The following ABLIM1 variants were observed in gnomAD, a reference collection of about 807,000 sequenced individuals.
ABLIM1 encodes actin binding LIM protein 1, also known as actin-binding LIM protein 1.
Under a neutral mutation model 107.0 loss-of-function variants are expected in ABLIM1, and 40 were observed. That is an observed-to-expected ratio of 0.37 (90% CI 0.29 to 0.49). The LOEUF is 0.49. Ranked by LOEUF, ABLIM1 falls within the 20% of genes least tolerant of loss-of-function variation. The pLI, the probability that ABLIM1 is intolerant of heterozygous loss-of-function variation, is 0.97. For missense variants in ABLIM1, 857 were observed against 1,008.5 expected (o/e 0.85, Z 2.04); for synonymous variants, 357 against 357.3 (o/e 1.00, Z 0.01).
At chr10:114,437,525 G>A (rs540583969) in intron 22 of ABLIM1, among the ~76,000 whole-genome samples, 60 of 151,000 alleles carry the variant, frequency 4.0e-4, no homozygotes, top group Admixed American at 1.4e-3. Context: ...CACCGTGTTG[G>A]CCAGGCTGGT....
intron 1 of ABLIM1, among the ~76,000 whole-genome samples, chr10:114,682,543 A>G (rs1487443348): frequency 6.6e-6 from 1 of 152,246 alleles, no homozygotes; most frequent in Non-Finnish European, 1.5e-5. Context: ...CATTTAAAAC[A>G]ATGCAGAGTA....
At chr10:114,470,008 GC>G (rs1306745650) in intron 10 of ABLIM1, among the ~76,000 whole-genome samples, 1 of 152,194 alleles carries the variant, frequency 6.6e-6, no homozygotes, top group African/African-American at 2.4e-5. Flanking sequence ...GGGGGTCTCA[GC>G]TGGGTGAAGG....
At chr10:114,438,003 C>G (rs1188947836) in intron 21 of ABLIM1, 79 bp from the exon 22 acceptor site, 4 of 1,338,382 alleles carry the variant, frequency 3.0e-6, no homozygotes, top group African/African-American at 1.4e-5. Flanking sequence ...AACGCTAGTA[C>G]TCCCAAGATA....
intron 6 of ABLIM1, among the ~76,000 whole-genome samples, chr10:114,521,358 G>C (rs1380913186): frequency 6.6e-6 from 1 of 152,268 alleles, no homozygotes; most frequent in African/African-American, 2.4e-5. Context: ...AAGCCATAGA[G>C]TTGATGAAAG....
At chr10:114,491,683 C>T (rs948831739) in intron 7 of ABLIM1, 108 bp downstream of exon 7, 5 of 1,065,548 alleles carry the variant, frequency 4.7e-6, no homozygotes, top group Non-Finnish European at 5.6e-6. Context: ...ATTTGGGTAG[C>T]CTCACAGCTA....
chr10:114,722,351 A>C (rs992468390), intron 1 of ABLIM1, among the ~76,000 whole-genome samples: 1 of 152,182 alleles, frequency 6.6e-6, no homozygotes, highest in South Asian at 2.1e-4. Flanking sequence ...AGATCTCGTG[A>C]GAACTCACTC....
chr10:114,454,529 C>T (rs1565316789), intron 12 of ABLIM1, among the ~76,000 whole-genome samples: 1 of 152,052 alleles, frequency 6.6e-6, no homozygotes, highest in Non-Finnish European at 1.5e-5. Context: ...GCCACCTTGT[C>T]TGGAAGGCAT....
intron 20 of ABLIM1, 63 bp from the exon 21 acceptor site, chr10:114,439,313 T>A (rs1379432378): frequency 6.5e-7 from 1 of 1,533,080 alleles, no homozygotes; most frequent in Non-Finnish European, 9.0e-7. Flanking sequence ...AAGGGAGTAC[T>A]CTTGGGCTCC....
the ABLIM1 span, among the ~76,000 whole-genome samples, chr10:114,775,436 G>A: frequency 1.3e-5 from 2 of 152,214 alleles, no homozygotes; most frequent in African/African-American, 4.8e-5. Flanking sequence ...TTATTCCTCT[G>A]TTGCTGGATG....
At chr10:114,765,227 AG>A (rs2082861914) in intron 1 of ABLIM1, among the ~76,000 whole-genome samples, 1 of 151,842 alleles carries the variant, frequency 6.6e-6, no homozygotes, top group Non-Finnish European at 1.5e-5. Flanking sequence ...TTGTATTTTT[AG>A]TAGAGATGGG....
At chr10:114,792,697 T>A in the ABLIM1 span, among the ~76,000 whole-genome samples, 3 of 152,212 alleles carry the variant, frequency 2.0e-5, no homozygotes, top group African/African-American at 7.2e-5. Context: ...TCCAATCCCA[T>A]GACTGTTAAT....
At chr10:114,626,719 C>T (rs534197057) in intron 1 of ABLIM1, among the ~76,000 whole-genome samples, 6 of 152,148 alleles carry the variant, frequency 3.9e-5, no homozygotes, top group Non-Finnish European at 5.9e-5. Context: ...TATTGAAGTC[C>T]GAACCCCCAG....
At chr10:114,494,937 C>T (rs1172006618) in intron 6 of ABLIM1, among the ~76,000 whole-genome samples, 1 of 152,140 alleles carries the variant, frequency 6.6e-6, no homozygotes, top group Non-Finnish European at 1.5e-5. Flanking sequence ...TGCCTGGCAC[C>T]ATGTTAAGTG....
At chr10:114,567,701 C>T (rs1475846490) in intron 4 of ABLIM1, among the ~76,000 whole-genome samples, 2 of 152,344 alleles carry the variant, frequency 1.3e-5, no homozygotes, top group East Asian at 1.9e-4. Flanking sequence ...TATTTCTCTA[C>T]CTATCTGCTG....
At chr10:114,469,101 C>T (rs1331880223) in intron 10 of ABLIM1, among the ~76,000 whole-genome samples, 1 of 145,654 alleles carries the variant, frequency 6.9e-6, no homozygotes, top group African/African-American at 2.5e-5. Context: ...GATTGTGATA[C>T]ATACTTAGGT....
At chr10:114,790,724 T>C in the ABLIM1 span, among the ~76,000 whole-genome samples, 1 of 152,340 alleles carries the variant, frequency 6.6e-6, no homozygotes, top group East Asian at 1.9e-4. Flanking sequence ...TTGTTTACAC[T>C]AGAAGCATGT....
intron 4 of ABLIM1, among the ~76,000 whole-genome samples, chr10:114,559,664 T>G (rs1474865631): frequency 6.6e-6 from 1 of 152,118 alleles, no homozygotes; most frequent in Non-Finnish European, 1.5e-5. Flanking sequence ...GCTTACAAAA[T>G]ATAATCCAGA....
intron 1 of ABLIM1, among the ~76,000 whole-genome samples, chr10:114,602,764 A>C (rs1312377077): frequency 6.6e-6 from 1 of 152,210 alleles, no homozygotes; most frequent in Non-Finnish European, 1.5e-5. Context: ...GGGGCTTACA[A>C]GGATACTAAG....
chr10:114,768,474 G>A (rs2082960021), upstream of ABLIM1, among the ~76,000 whole-genome samples: 1 of 152,072 alleles, frequency 6.6e-6, no homozygotes, highest in Non-Finnish European at 1.5e-5. Flanking sequence ...TGCTCCGAAT[G>A]GCTCTCCAGC....
Sources: allele counts gnomAD v4.1 joint callset (sites outside exome capture counted in the v4.1 genomes callset), GRCh38; gene constraint gnomAD v4.1.1; transcripts MANE v1.5; gene names NCBI Gene and HGNC (gene_info 2026-07-23, HGNC 2026-07-21).